The following LMO7 variants were observed in gnomAD, a reference collection of about 807,000 sequenced individuals.
The protein encoded by LMO7 is LIM domain 7, also known as LIM domain only protein 7.
LMO7 carries 120 observed loss-of-function variants against 206.5 expected under a neutral mutation model. The ratio of observed to expected loss-of-function variants is 0.58; its 90% CI spans 0.50 to 0.68. The LOEUF is 0.68. Ranked by LOEUF, LMO7 falls within the 30% of genes least tolerant of loss-of-function variation. The pLI, the probability that LMO7 is intolerant of heterozygous loss-of-function variation, is 0.00. For missense variants in LMO7, 1,959 were observed against 1,957.9 expected, an observed-to-expected ratio of 1.00 and a Z score of -0.01; for synonymous variants, 706 against 681.5, an observed-to-expected ratio of 1.04 and a Z score of -0.56.
At chr13:75,778,063 T>C (rs187311118) in intron 4 of LMO7, among the ~76,000 whole-genome samples, 4 of 152,328 alleles carry the variant, frequency 2.6e-5, no homozygotes, top group Admixed American at 2.6e-4. Flanking sequence ...TGCATGGTAT[T>C]ATGAGGACAT....
At chr13:75,838,417 A>G in intron 20 of LMO7, 1 of 1,157,504 alleles carries the variant, frequency 8.6e-7, no homozygotes, top group Non-Finnish European at 1.1e-6. Context: ...TCCTTTGTAT[A>G]CCTCTAAACA....
intron 13 of LMO7, 113 bp downstream of exon 13, chr13:75,819,648 G>A (rs751331478): frequency 2.2e-5 from 23 of 1,064,748 alleles, no homozygotes; most frequent in Non-Finnish European, 2.8e-5. Context: ...TTCAACTTTA[G>A]TCAAATATGC....
Position 75,853,327 on chromosome 13 carries a change from TCCCCCA to T in LMO7, c.4605_4610del (p.Thr1536_Pro1537del). On this transcript the variant is annotated inframe_deletion, in exon 28 of 31. Transcript: ENST00000377534. ...CACCACAGGTGTGGCCACCACACAGTCCCCCACCCCGAGAAGCCATTCCCCTTCAGC... is the reference window on the plus strand; with the variant it reads ...CACCACAGGTGTGGCCACCACACAGTCCCCGAGAAGCCATTCCCCTTCAGC... The T allele has an allele frequency of 6.2e-7, 1 of 1,613,588 alleles. No individual in the cohort carries two copies. The highest frequency in any genetic ancestry group is 8.5e-7 in the Non-Finnish European group (1 of 1,179,760).
At position 75,844,203 on chromosome 13, in the gene LMO7, A is replaced by G. The variant is rs1276638706; in HGVS notation, c.4098-1124A>G. On this transcript the variant is annotated intron_variant, in intron 25 of 30. Coordinates refer to ENST00000377534, the MANE Select transcript of LMO7 (RefSeq NM_001306080.2). ...GAGGCATCAAGGAGTGTGGCTAGAC[A>G]TCTGGTAATAAGTGTTTTCTTCTAT... Among the ~76,000 whole-genome samples the G allele has an allele frequency of 3.9e-5, 6 of 152,254 alleles. No individual in the cohort carries two copies. In the East Asian group the frequency reaches 9.6e-4, roughly 24 times the overall value.
intron 1 of LMO7, among the ~76,000 whole-genome samples, chr13:75,694,140 GAGA>G (rs1196474554): frequency 6.6e-6 from 1 of 152,234 alleles, no homozygotes; most frequent in Non-Finnish European, 1.5e-5. Flanking sequence ...TAGGACGGAA[GAGA>G]AGATGAGCAG....
chr13:75,812,497 T>G (rs193020426), intron 11 of LMO7, among the ~76,000 whole-genome samples: 1 of 151,290 alleles, frequency 6.6e-6, no homozygotes, highest in East Asian at 1.9e-4. Flanking sequence ...TGATTTTATA[T>G]TTGAGAAAAT....
chr13:75,670,363 A>G (rs929215002), intron 1 of LMO7, among the ~76,000 whole-genome samples: 2 of 152,060 alleles, frequency 1.3e-5, no homozygotes, highest in African/African-American at 4.8e-5. Context: ...AATGATGGGG[A>G]TACCCTTCTG....
At chr13:75,807,433 C>G in intron 9 of LMO7, 47 bp from the exon 10 acceptor site, 1 of 1,587,864 alleles carries the variant, frequency 6.3e-7, no homozygotes, top group Non-Finnish European at 8.6e-7. Flanking sequence ...ACCTTTTCTC[C>G]CTAAGCTTAA....
At chr13:75,787,489 T>G (rs1427688098) in intron 4 of LMO7, among the ~76,000 whole-genome samples, 1 of 152,234 alleles carries the variant, frequency 6.6e-6, no homozygotes, top group African/African-American at 2.4e-5. Flanking sequence ...TGAAATTTAA[T>G]AACAAATTAT....
intron 4 of LMO7, among the ~76,000 whole-genome samples, chr13:75,762,541 G>A (rs1184294235): frequency 1.3e-5 from 2 of 152,136 alleles, no homozygotes; most frequent in Admixed American, 6.5e-5. Flanking sequence ...AAACATGTTT[G>A]TTGGCTCCCA....
intron 3 of LMO7, among the ~76,000 whole-genome samples, chr13:75,737,388 A>T (rs1178988873): frequency 1.3e-5 from 2 of 152,096 alleles, no homozygotes; most frequent in Non-Finnish European, 2.9e-5. Flanking sequence ...TCCAAAAGGA[A>T]CAAAGTACCA....
chr13:75,687,852 TG>T (rs1280675143), intron 1 of LMO7, among the ~76,000 whole-genome samples: 1 of 152,200 alleles, frequency 6.6e-6, no homozygotes, highest in Non-Finnish European at 1.5e-5. Context: ...GATATTGTTT[TG>T]CTGTGTCCCT....
rs1309078265 is a variant in LMO7 at position 75,844,958 on chromosome 13, CAGTCTGACTGT to C, written c.4098-366_4098-356del. Among the ~76,000 whole-genome samples the C allele has an allele frequency of 2.6e-5, 4 of 152,118 alleles. No individual in the cohort carries two copies. The Middle Eastern group carries it at 9.5e-3, about 361-fold the overall frequency. ...CCTGGGGAGTGTGGGGGAAGTGGGACAGTCTGACTGTAGGTGATCTGATGGCAGATGGTTTG... is the reference window on the plus strand; with the variant it reads ...CCTGGGGAGTGTGGGGGAAGTGGGACAGGTGATCTGATGGCAGATGGTTTG... On this transcript the variant is annotated intron_variant, in intron 25 of 30. Coordinates refer to ENST00000377534, the MANE Select transcript of LMO7 (RefSeq NM_001306080.2).
intron 12 of LMO7, among the ~76,000 whole-genome samples, chr13:75,819,029 A>G (rs971862172): frequency 1.3e-5 from 2 of 152,234 alleles, no homozygotes; most frequent in African/African-American, 4.8e-5. Flanking sequence ...CCAGTGAAAC[A>G]TGTTTCGCAG....
chr13:75,804,399 T>C lies in LMO7; in HGVS notation c.772T>C (p.Phe258Leu). 1.2e-6 allele frequency: 2 copies of C among 1,614,200 alleles called. No homozygotes were observed. The highest frequency in any genetic ancestry group is 8.5e-7 in the Non-Finnish European group (1 of 1,180,012). The change falls in exon 8 of 31, where the codon TTC becomes CTC. Residue 258 changes from phenylalanine to leucine, a missense_variant. Coordinates refer to ENST00000377534, the MANE Select transcript of LMO7 (RefSeq NM_001306080.2). ...SAVEPKTALPFNRFLPNKSRQ... is the reference protein window; with the variant it reads ...SAVEPKTALPLNRFLPNKSRQ... ...TGTTGAGCCAAAGACTGCGTTACCC[T>C]TCAATCGTTTTTTACCCAACAAAAG...
At chr13:75,799,540 C>T (rs71434807) in intron 6 of LMO7, among the ~76,000 whole-genome samples, 5,894 of 152,000 alleles carry the variant, frequency 0.039, 136 homozygotes, top group Non-Finnish European at 0.053. Context: ...TCAGATATTC[C>T]CCATTATCTA....
chr13:75,728,854 T>C (rs2044778618), intron 3 of LMO7, among the ~76,000 whole-genome samples: 1 of 141,458 alleles, frequency 7.1e-6, no homozygotes. Context: ...GGCTAGCCAG[T>C]TTTCCCAGCA....
intron 2 of LMO7, among the ~76,000 whole-genome samples, chr13:75,625,616 T>G (rs2033949916): frequency 6.6e-6 from 1 of 152,230 alleles, no homozygotes; most frequent in Non-Finnish European, 1.5e-5. Flanking sequence ...TTTTGGAATT[T>G]CAGTTACGTG....
At position 75,776,178 on chromosome 13, in the gene LMO7, T is replaced by TATATATATCGG. The variant is rs1555317323; in HGVS notation, c.317+15148_317+15149insCGGATATATAT. On this transcript the variant is annotated intron_variant, in intron 4 of 30. Transcript: ENST00000377534. ...TATATATCGGATATATATATATATA[T>TATATATATCGG]ATATATATATATATATATATATATA... Among the ~76,000 whole-genome samples the TATATATATCGG allele has an allele frequency of 5.8e-5, 4 of 68,542 alleles. 1 individual carries two copies. Among genetic ancestry groups the TATATATATCGG allele is most frequent in the Non-Finnish European group, 1.1e-4 (4 of 36,070 alleles). 45.0% of individuals were successfully genotyped at this position (68,542 alleles called of 152,430 possible). A position where few individuals can be genotyped will look rare whatever the true frequency, so the allele number is the denominator to read the frequency against.
Sources: gnomAD v4.1 joint callset for allele counts (sites outside exome capture counted in the v4.1 genomes callset) on GRCh38, gnomAD v4.1.1 for gene constraint, MANE v1.5 for transcripts, NCBI Gene and HGNC (gene_info 2026-07-23, HGNC 2026-07-21) for gene names.